The following NEK4 variants were observed in gnomAD, a reference collection of about 807,000 sequenced individuals.
NEK4 encodes NIMA related kinase 4.
In NEK4, 86 loss-of-function variants were observed where a neutral mutation model predicts 98.4. That is an observed-to-expected ratio of 0.87 (90% CI 0.73 to 1.05). NEK4 has a LOEUF of 1.05. NEK4 is among the 50% of genes least tolerant of loss of function. The pLI is 0.00. For missense variants in NEK4, 898 were observed against 950.3 expected, an observed-to-expected ratio of 0.94 and a Z score of 0.72; for synonymous variants, 328 against 342.2, an observed-to-expected ratio of 0.96 and a Z score of 0.46.
chr3:52,765,952 T>C lies in NEK4; in HGVS notation c.601A>G (p.Thr201Ala). The C allele has an allele frequency of 1.2e-6, 2 of 1,613,190 alleles. No homozygotes were observed. Among genetic ancestry groups the C allele is most frequent in the Non-Finnish European group, 8.5e-7 (1 of 1,179,210 alleles). ...TTTGCATTGAAAGCATGCTTCAAGG[T>C]GGCCATTTCATAGACACAGCATCCT... ...ALGCCVYEMA[T>A]LKHAFNAKDM... Residue 201 changes from threonine to alanine, a missense_variant, in exon 4 of 16, where the codon ACC (threonine) becomes GCC (alanine). By Grantham distance (58) the Thr-to-Ala change is moderately conservative. Transcript: ENST00000233027.
At position 52,746,089 on chromosome 3, in the gene NEK4, G is replaced by T; in HGVS notation, c.1799C>A (p.Ser600Ter). The change falls in exon 10 of 16, where the codon TCA (serine) becomes TAA (stop). Residue 600 changes from serine to a stop codon, truncating the protein, a stop_gained. Coordinates refer to ENST00000233027, the MANE Select transcript of NEK4 (RefSeq NM_003157.6). LOFTEE classifies it high-confidence loss of function. The part of the protein sequence containing the change: ...RRVVTGSVSS[S>*]RSSEMSSSKD... The stretch of plus-strand genomic sequence containing the variant: ...TGATGATGACATCTCACTGCTCCTT[G>T]AACTGCTCACAGACCCAGTGACCAC... The T allele has an allele frequency of 6.2e-7, 1 of 1,614,036 alleles. No individual in the cohort carries two copies. The highest frequency in any genetic ancestry group is 1.1e-5 in the South Asian group (1 of 91,082).
intron 15 of NEK4, among the ~76,000 whole-genome samples, chr3:52,714,946 A>T (rs1007506744): frequency 4.6e-5 from 7 of 152,158 alleles, no homozygotes; most frequent in Non-Finnish European, 1.0e-4. Flanking sequence ...CAAGCGCAGG[A>T]TGGGGAAAGT....
At chr3:52,724,973 T>TA (rs1342611917) in intron 15 of NEK4, among the ~76,000 whole-genome samples, 2 of 152,206 alleles carry the variant, frequency 1.3e-5, no homozygotes, top group African/African-American at 4.8e-5. Context: ...AATATATTTG[T>TA]AAAAGAAATA....
intron 15 of NEK4, among the ~76,000 whole-genome samples, chr3:52,736,677 T>A (rs1340370722): frequency 6.6e-6 from 1 of 152,086 alleles, no homozygotes; most frequent in Non-Finnish European, 1.5e-5. Context: ...TCATTCTTTA[T>A]AAAACTTTCT....
At chr3:52,766,644 G>A (rs1698569489) in intron 2 of NEK4, among the ~76,000 whole-genome samples, 1 of 152,208 alleles carries the variant, frequency 6.6e-6, no homozygotes, top group African/African-American at 2.4e-5. Context: ...ACTGTTCCCT[G>A]GTAGCTTGAC....
intron 14 of NEK4, among the ~76,000 whole-genome samples, chr3:52,737,985 T>C (rs1247026846): frequency 6.6e-6 from 1 of 152,016 alleles, no homozygotes; most frequent in South Asian, 2.1e-4. Context: ...AGCTAATTTT[T>C]TGTATTTTTA....
chr3:52,762,463 T>G (rs1698393618), intron 5 of NEK4, among the ~76,000 whole-genome samples: 1 of 152,108 alleles, frequency 6.6e-6, no homozygotes, highest in Non-Finnish European at 1.5e-5. Flanking sequence ...AAATTTACAC[T>G]ATATGTCTTA....
intron 7 of NEK4, among the ~76,000 whole-genome samples, chr3:52,751,723 T>C (rs1559439619): frequency 6.6e-6 from 1 of 152,056 alleles, no homozygotes; most frequent in Non-Finnish European, 1.5e-5. Context: ...TAGAGACAAA[T>C]GTTGCCACGA....
intron 8 of NEK4, among the ~76,000 whole-genome samples, chr3:52,749,094 G>GC (rs937309525): frequency 6.6e-6 from 1 of 151,720 alleles, no homozygotes; most frequent in African/African-American, 2.4e-5. Flanking sequence ...AGAAGGGGAA[G>GC]AGGGGAGGGG....
Position 52,709,349 on chromosome 3 carries a change from G to A in NEK4, c.*2428C>T, listed in dbSNP as rs1056891562. 3.9e-5 allele frequency: 6 copies of A among 151,994 alleles called. No individual in the cohort carries two copies. The highest frequency in any genetic ancestry group is 2.0e-4 in the Admixed American group (3 of 15,240). 9.4% of individuals were successfully genotyped at this position (151,994 alleles called of 1,614,324 possible). A position where few individuals can be genotyped will look rare whatever the true frequency, so the allele number is the denominator to read the frequency against. ...ATGAATTAAGCACTCAAGTAAAAACGATAAAAGTGGGAAGAAAAGATGTTT... is the reference window on the plus strand; with the variant it reads ...ATGAATTAAGCACTCAAGTAAAAACAATAAAAGTGGGAAGAAAAGATGTTT... On this transcript the variant is annotated 3_prime_UTR_variant, in exon 16 of 16. Coordinates refer to ENST00000233027, the MANE Select transcript of NEK4 (RefSeq NM_003157.6).
intron 15 of NEK4, among the ~76,000 whole-genome samples, chr3:52,722,714 G>A (rs993009692): frequency 1.3e-5 from 2 of 151,942 alleles, no homozygotes. Flanking sequence ...AGTGGCCTGG[G>A]TAACATGGCG....
Position 52,743,480 on chromosome 3 carries a change from C to G in NEK4, c.1895-19G>C. 6.3e-7 allele frequency: 1 copy of G among 1,591,724 alleles called. No homozygotes were observed. On this transcript the variant is annotated intron_variant, in intron 11 of 15. Transcript: ENST00000233027. Reference sequence around the variant, plus strand: ...GAAGGGCCTGAAAAGGCAAACATCCCCAGTAGTTGTTTGTGGTGGGCTGCC... The same window carrying G: ...GAAGGGCCTGAAAAGGCAAACATCCGCAGTAGTTGTTTGTGGTGGGCTGCC...
intron 15 of NEK4, among the ~76,000 whole-genome samples, chr3:52,735,274 T>C (rs1218976192): frequency 3.9e-5 from 6 of 152,262 alleles, no homozygotes; most frequent in African/African-American, 1.4e-4. Context: ...GTCTAAACTT[T>C]TAAAACATTT....
chr3:52,751,803 A>G, intron 7 of NEK4, 129 bp downstream of exon 7: 1 of 922,334 alleles, frequency 1.1e-6, no homozygotes, highest in Non-Finnish European at 1.6e-6. Context: ...TGATGCAAAT[A>G]TTCTTCTATG....
chr3:52,767,001 A>C (rs1226395668), intron 2 of NEK4, among the ~76,000 whole-genome samples: 2 of 152,104 alleles, frequency 1.3e-5, no homozygotes, highest in Non-Finnish European at 2.9e-5. Context: ...TCAAAAAAAA[A>C]AAAAATATGT....
intron 6 of NEK4, among the ~76,000 whole-genome samples, chr3:52,759,167 G>A (rs1216289973): frequency 6.6e-6 from 1 of 151,556 alleles, no homozygotes; most frequent in African/African-American, 2.4e-5. Context: ...CTTTGTTTGG[G>A]AAGCCAAGGT....
At position 52,760,870 on chromosome 3, in the gene NEK4, A is replaced by T. The variant is rs779419498; in HGVS notation, c.888T>A (p.Ser296=). Residue 296 remains serine, a synonymous_variant, in exon 6 of 16, where the codon TCT becomes TCA. Coordinates refer to ENST00000233027, the MANE Select transcript of NEK4 (RefSeq NM_003157.6). ...CTTCATGATTTGATTCTGCCTCTCCAGAAACCACTGTAGCAAAAGGCTTGG... is the reference window on the plus strand; with the variant it reads ...CTTCATGATTTGATTCTGCCTCTCCTGAAACCACTGTAGCAAAAGGCTTGG... The part of the protein sequence containing the change: ...SQSKPFATVV[S]GEAESNHEVI... 6 of 1,609,600 alleles carry T rather than the reference A, an allele frequency of 3.7e-6. No individual in the cohort carries two copies. Among genetic ancestry groups the T allele is most frequent in the Non-Finnish European group, 4.3e-6 (5 of 1,176,152 alleles).
At chr3:52,753,497 AC>A (rs1282796224) in intron 6 of NEK4, 1 of 427,648 alleles carries the variant, frequency 2.3e-6, no homozygotes, top group Non-Finnish European at 4.6e-6. Flanking sequence ...ATGACATACT[AC>A]TGAATTTCTT....
chr3:52,762,977 C>A (rs1315396988), intron 5 of NEK4, among the ~76,000 whole-genome samples: 1 of 152,134 alleles, frequency 6.6e-6, no homozygotes, highest in African/African-American at 2.4e-5. Flanking sequence ...ATATGAAATA[C>A]GTCCTCCCTG....
Sources: gnomAD v4.1 joint callset for allele counts (sites outside exome capture counted in the v4.1 genomes callset) on GRCh38, gnomAD v4.1.1 for gene constraint, MANE v1.5 for transcripts, NCBI Gene and HGNC (gene_info 2026-07-23, HGNC 2026-07-21) for gene names.